The following RNGTT variants were observed in gnomAD, a reference collection of about 807,000 sequenced individuals.
The protein encoded by RNGTT is mRNA-capping enzyme.
Under a neutral mutation model 79.3 loss-of-function variants are expected in RNGTT, and 33 were observed. The observed-to-expected ratio is 0.42, with a 90% confidence interval of 0.32 to 0.56. The LOEUF (loss-of-function observed/expected upper bound fraction) is 0.56. RNGTT is among the 20% of genes least tolerant of loss of function. RNGTT has a pLI of 0.17. For missense variants in RNGTT, 497 were observed against 739.1 expected (o/e 0.67, Z 3.80); for synonymous variants, 222 against 235.9 (o/e 0.94, Z 0.54).
In RNGTT at chr6:88,614,335, T is replaced by C. The variant is rs1157023653; in HGVS notation, c.1567A>G (p.Ser523Gly). ...KIIECKFENN[S>G]WVFMRQRTDK... ...GTTCTCTGTCTCATGAAGACCCAGC[T>C]GTTGTTCTCAAATTTGCATTCTATA... Residue 523 changes from serine to glycine, a missense_variant, in exon 15 of 16, where the codon AGC becomes GGC. By Grantham distance (56) the Ser-to-Gly change is moderately conservative. Around this residue, in one of 3 missense-constraint regions of RNGTT, gnomAD observed 440 missense variants for 671.5 expected, o/e 0.66. Coordinates refer to ENST00000369485, the MANE Select transcript of RNGTT (RefSeq NM_003800.5). The C allele has an allele frequency of 3.7e-6, 6 of 1,613,746 alleles. No individual in the cohort carries two copies. Among genetic ancestry groups the C allele is most frequent in the Non-Finnish European group, 5.1e-6 (6 of 1,179,616 alleles).
chr6:88,892,074 A>G (rs1163935721), intron 6 of RNGTT, among the ~76,000 whole-genome samples, 159 bp from the exon 7 acceptor site: 1 of 152,046 alleles, frequency 6.6e-6, no homozygotes, highest in African/African-American at 2.4e-5. Flanking sequence ...AAACTCCCCT[A>G]AGATTGTACA....
intron 1 of RNGTT, among the ~76,000 whole-genome samples, chr6:88,958,548 A>C (rs994468183): frequency 6.6e-6 from 1 of 152,248 alleles, no homozygotes; most frequent in Non-Finnish European, 1.5e-5. Context: ...ATCCCATCAA[A>C]AAGTGGACAA....
chr6:88,772,751 A>T (rs1261643214), intron 12 of RNGTT, among the ~76,000 whole-genome samples: 1 of 151,986 alleles, frequency 6.6e-6, no homozygotes, highest in Non-Finnish European at 1.5e-5. Flanking sequence ...AGAGAAATGC[A>T]AATCAAAACC....
At chr6:88,889,898 G>A (rs1440802197) in intron 8 of RNGTT, among the ~76,000 whole-genome samples, 2 of 152,108 alleles carry the variant, frequency 1.3e-5, no homozygotes, top group East Asian at 1.9e-4. Flanking sequence ...AGGATTACTC[G>A]AGCCCAGGAG....
chr6:88,622,337 C>T (rs1281503540), intron 14 of RNGTT, among the ~76,000 whole-genome samples: 1 of 152,040 alleles, frequency 6.6e-6, no homozygotes, highest in African/African-American at 2.4e-5. Flanking sequence ...GATACTCATA[C>T]ACAAAATTTA....
At chr6:88,619,319 C>T (rs1220343099) in intron 14 of RNGTT, among the ~76,000 whole-genome samples, 2 of 152,264 alleles carry the variant, frequency 1.3e-5, no homozygotes, top group East Asian at 3.9e-4. Flanking sequence ...TTGTGCACTA[C>T]CACACCTGGC....
chr6:88,696,113 G>A (rs1464018028), intron 13 of RNGTT, among the ~76,000 whole-genome samples: 1 of 152,138 alleles, frequency 6.6e-6, no homozygotes, highest in African/African-American at 2.4e-5. Flanking sequence ...TAACAGTGTA[G>A]TCTACACTTC....
chr6:88,908,080 T>C (rs1287112096), intron 4 of RNGTT, among the ~76,000 whole-genome samples: 1 of 152,164 alleles, frequency 6.6e-6, no homozygotes, highest in Non-Finnish European at 1.5e-5. Context: ...TCTCTGTATA[T>C]ATAGATCATA....
At chr6:88,853,974 G>A (rs2127908201) in intron 8 of RNGTT, among the ~76,000 whole-genome samples, 1 of 151,550 alleles carries the variant, frequency 6.6e-6, no homozygotes, top group South Asian at 2.1e-4. Context: ...AGGCTGGATG[G>A]AGTACAGTGG....
rs535993858 is a variant in RNGTT, at chr6:88,725,881, A to G, written c.1439+43893T>C. ...CTGGCACAGGCAGGGAAAGACCAGC[A>G]AAGAGGAAAGAGAAACTGGGAGAGG... On this transcript the variant is annotated intron_variant, in intron 13 of 15. Transcript: ENST00000369485. 2.3e-3 allele frequency among the ~76,000 whole-genome samples: 349 copies of G among 152,182 alleles called. 1 individual carries two copies. The highest frequency in any genetic ancestry group is 8.0e-3 in the African/African-American group (331 of 41,524).
intron 2 of RNGTT, among the ~76,000 whole-genome samples, chr6:88,929,829 C>T (rs1446366247): frequency 6.6e-6 from 1 of 151,092 alleles, no homozygotes; most frequent in African/African-American, 2.4e-5. Context: ...TACATATACA[C>T]ACATATACAT....
intron 13 of RNGTT, among the ~76,000 whole-genome samples, chr6:88,698,256 T>G (rs1305624875): frequency 8.4e-6 from 1 of 118,720 alleles, no homozygotes; most frequent in Non-Finnish European, 1.6e-5. Context: ...GAAATATATA[T>G]ATAAATATAT....
intron 4 of RNGTT, among the ~76,000 whole-genome samples, chr6:88,925,786 T>C (rs929446344): frequency 6.6e-6 from 1 of 151,978 alleles, no homozygotes; most frequent in African/African-American, 2.4e-5. Flanking sequence ...GGCAGGAGGA[T>C]CAATTGAGGA....
At chr6:88,912,761 C>A (rs1039911031) in intron 4 of RNGTT, among the ~76,000 whole-genome samples, 1 of 152,112 alleles carries the variant, frequency 6.6e-6, no homozygotes, top group Non-Finnish European at 1.5e-5. Flanking sequence ...ATTCTGAATA[C>A]CTCTATGCAC....
At chr6:88,862,536 G>C (rs1379554779) in intron 8 of RNGTT, among the ~76,000 whole-genome samples, 3 of 152,236 alleles carry the variant, frequency 2.0e-5, no homozygotes, top group Non-Finnish European at 4.4e-5. Flanking sequence ...ACCAGTAAAC[G>C]TAAGTTTCCC....
chr6:88,661,133 A>C lies in RNGTT; in HGVS notation c.1506+17220T>G, dbSNP rs367625927. On this transcript the variant is annotated intron_variant, in intron 14 of 15. Coordinates refer to ENST00000369485, the MANE Select transcript of RNGTT (RefSeq NM_003800.5). ...CTTTGAATTGAATGATGATAGTGACACAACCTATCAAAACCTCTGGGATAC... is the reference window on the plus strand; with the variant it reads ...CTTTGAATTGAATGATGATAGTGACCCAACCTATCAAAACCTCTGGGATAC... Among the ~76,000 whole-genome samples, 183 of 152,332 alleles carry C rather than the reference A, an allele frequency of 1.2e-3. 4 individuals carry two copies. In the South Asian group the frequency reaches 0.036, roughly 30 times the overall value.
intron 11 of RNGTT, among the ~76,000 whole-genome samples, chr6:88,838,335 TTATA>T (rs1026063213): frequency 4.5e-4 from 69 of 152,158 alleles, no homozygotes; most frequent in African/African-American, 1.6e-3. Flanking sequence ...CCTTTTTCAC[TTATA>T]TAGTTGTCTA....
chr6:88,675,337 A>G (rs1774829161), intron 14 of RNGTT, among the ~76,000 whole-genome samples: 1 of 152,174 alleles, frequency 6.6e-6, no homozygotes, highest in Admixed American at 6.5e-5. Context: ...GAAGCAAGAC[A>G]AGTATGTCTG....
At position 88,839,151 on chromosome 6, in the gene RNGTT, C is replaced by T. The variant is rs554268370; in HGVS notation, c.1269+5206G>A. ...TATGGCATACTGATACAATGAAAATCTGTGCAACTGTTAAAGAGAAATGAA... is the reference window on the plus strand; with the variant it reads ...TATGGCATACTGATACAATGAAAATTTGTGCAACTGTTAAAGAGAAATGAA... On this transcript the variant is annotated intron_variant, in intron 11 of 15. Transcript: ENST00000369485. Among the ~76,000 whole-genome samples, 3 of 151,830 alleles carry T rather than the reference C, an allele frequency of 2.0e-5. No homozygotes were observed. The South Asian group carries it at 6.2e-4, about 32-fold the overall frequency.
Sources: allele counts gnomAD v4.1 joint callset (sites outside exome capture counted in the v4.1 genomes callset), GRCh38; gene constraint gnomAD v4.1.1; regional missense constraint gnomAD v4.1.1; transcripts MANE v1.5; gene names NCBI Gene and HGNC (gene_info 2026-07-23, HGNC 2026-07-21).